Variants in CCDC148 observed in about 807,000 individuals in gnomAD.
The protein encoded by CCDC148 is coiled-coil domain-containing protein 148.
CCDC148 carries 89 observed loss-of-function variants against 85.7 expected under a neutral mutation model. That is an observed-to-expected ratio of 1.04 (90% CI 0.87 to 1.24). The LOEUF is 1.24. CCDC148 is among the 50% of genes most tolerant of loss of function. The pLI is 0.00. For synonymous variants in CCDC148, 230 were observed against 213.9 expected (o/e 1.08, Z -0.66); for missense variants, 692 against 671.7 (o/e 1.03, Z -0.33).
intron 1 of CCDC148, among the ~76,000 whole-genome samples, chr2:158,442,434 C>T (rs916400996): frequency 6.6e-6 from 1 of 152,116 alleles, no homozygotes; most frequent in African/African-American, 2.4e-5. Context: ...AGTTCAGAAG[C>T]ATGGTAGAAA....
At chr2:158,181,184 AGGTTG>A (rs1309446628) in intron 11 of CCDC148, among the ~76,000 whole-genome samples, 8 of 152,170 alleles carry the variant, frequency 5.3e-5, no homozygotes, top group Admixed American at 5.2e-4. Flanking sequence ...TGGGATATAT[AGGTTG>A]CTTTGTCTGC....
At chr2:158,350,994 A>G (rs1372312770) in intron 2 of CCDC148, among the ~76,000 whole-genome samples, 1 of 152,016 alleles carries the variant, frequency 6.6e-6, no homozygotes, top group Non-Finnish European at 1.5e-5. Context: ...GATTCCTCCT[A>G]TCTCATTGTA....
chr2:158,179,031 A>G, intron 11 of CCDC148, 35 bp from the exon 12 acceptor site: 1 of 1,488,126 alleles, frequency 6.7e-7, no homozygotes, highest in Non-Finnish European at 9.4e-7. Context: ...TTGTGGAAGC[A>G]TCATAATAAT....
chr2:158,193,192 G>C (rs549513527), intron 11 of CCDC148, among the ~76,000 whole-genome samples: 1 of 152,084 alleles, frequency 6.6e-6, no homozygotes, highest in Admixed American at 6.6e-5. Context: ...GAAAATAATT[G>C]TATCAGTTTA....
At chr2:158,350,719 T>A (rs544888619) in intron 2 of CCDC148, among the ~76,000 whole-genome samples, 6 of 152,336 alleles carry the variant, frequency 3.9e-5, no homozygotes, top group Admixed American at 1.3e-4. Context: ...TTGTCACTCC[T>A]GTTTTTACCT....
chr2:158,436,962 C>T (rs1463236836), intron 1 of CCDC148, among the ~76,000 whole-genome samples: 1 of 152,136 alleles, frequency 6.6e-6, no homozygotes, highest in African/African-American at 2.4e-5. Context: ...AAATAACAGG[C>T]TCTGAAATTG....
intron 1 of CCDC148, among the ~76,000 whole-genome samples, chr2:158,358,872 G>T (rs527303776): frequency 3.8e-4 from 58 of 152,120 alleles, no homozygotes; most frequent in African/African-American, 1.3e-3. Context: ...AAGCTACAAA[G>T]TATGACGACT....
chr2:158,211,254 T>C (rs1284017560), intron 11 of CCDC148, among the ~76,000 whole-genome samples: 2 of 152,174 alleles, frequency 1.3e-5, no homozygotes, highest in Non-Finnish European at 2.9e-5. Context: ...GCACTAGTTA[T>C]GTACCAAAAT....
intron 2 of CCDC148, among the ~76,000 whole-genome samples, chr2:158,349,142 G>T (rs1380062063): frequency 6.6e-6 from 1 of 151,950 alleles, no homozygotes; most frequent in African/African-American, 2.4e-5. Flanking sequence ...AATATCAGTA[G>T]TACAAATCAG....
intron 9 of CCDC148, among the ~76,000 whole-genome samples, chr2:158,268,965 C>T (rs2105160473): frequency 6.6e-6 from 1 of 152,276 alleles, no homozygotes; most frequent in East Asian, 1.9e-4. Context: ...TTGATCCTTT[C>T]ATCCCTTGAT....
chr2:158,312,263 A>G (rs1360223367), intron 8 of CCDC148, among the ~76,000 whole-genome samples: 2 of 152,196 alleles, frequency 1.3e-5, no homozygotes, highest in African/African-American at 4.8e-5. Flanking sequence ...CCAAAAATAT[A>G]CTTAACATCT....
chr2:158,243,203 G>A (rs7584719), intron 10 of CCDC148, among the ~76,000 whole-genome samples: 7,315 of 152,002 alleles, frequency 0.048, 605 homozygotes, highest in African/African-American at 0.17. Flanking sequence ...AAAATGCAAG[G>A]GGCCACAGGG....
At chr2:158,183,560 AAAAC>A (rs898465435) in intron 11 of CCDC148, among the ~76,000 whole-genome samples, 22 of 152,298 alleles carry the variant, frequency 1.4e-4, no homozygotes, top group African/African-American at 4.6e-4. Context: ...TCTACAATTT[AAAAC>A]AAACAAAGAA....
chr2:158,252,719 T>C lies in CCDC148; in HGVS notation c.1111-1807A>G, dbSNP rs368628998. Among the ~76,000 whole-genome samples the C allele has an allele frequency of 1.1e-3, 173 of 151,810 alleles. 2 individuals are homozygous for C. The highest frequency in any genetic ancestry group is 4.0e-3 in the African/African-American group (168 of 41,518). ...ATAATCCAAACCCTACATTATCCTC[T>C]CATTAACCTCCAACCTCTCTATCTA... is the stretch of plus-strand genomic sequence containing the variant. On this transcript the variant is annotated intron_variant, in intron 9 of 13. Coordinates refer to ENST00000283233, the MANE Select transcript of CCDC148 (RefSeq NM_138803.4).
intron 1 of CCDC148, among the ~76,000 whole-genome samples, chr2:158,420,286 C>T (rs1230480800): frequency 1.3e-5 from 2 of 152,080 alleles, no homozygotes; most frequent in African/African-American, 4.8e-5. Context: ...AACTCCAAGA[C>T]ACATAATTAT....
At chr2:158,177,274 T>C (rs1684637159) in intron 12 of CCDC148, among the ~76,000 whole-genome samples, 1 of 152,080 alleles carries the variant, frequency 6.6e-6, no homozygotes, top group Admixed American at 6.6e-5. Flanking sequence ...TTGTCTTTTA[T>C]AATTCAAACC....
rs187763791 is a variant in CCDC148, at chr2:158,302,714, T to A, written c.1110+6719A>T. ...CAGGAGAATCACTTGAACCCAGGAGTTGGAGGTTGCAGTGAGCCGAGATCG... is the reference window on the plus strand; with the variant it reads ...CAGGAGAATCACTTGAACCCAGGAGATGGAGGTTGCAGTGAGCCGAGATCG... On this transcript the variant is annotated intron_variant, in intron 9 of 13. Transcript: ENST00000283233. Among the ~76,000 whole-genome samples, 349 of 151,016 alleles carry A rather than the reference T, an allele frequency of 2.3e-3. 2 individuals are homozygous for A. The highest frequency in any genetic ancestry group is 8.0e-3 in the African/African-American group (330 of 41,094).
intron 1 of CCDC148, among the ~76,000 whole-genome samples, chr2:158,422,346 C>G (rs2105324435): frequency 6.6e-6 from 1 of 152,264 alleles, no homozygotes; most frequent in South Asian, 2.1e-4. Context: ...CAATAAAGTA[C>G]TGGCAAACCG....
intron 9 of CCDC148, among the ~76,000 whole-genome samples, chr2:158,256,491 T>C (rs1223672873): frequency 1.3e-5 from 2 of 151,810 alleles, no homozygotes; most frequent in Non-Finnish European, 2.9e-5. Flanking sequence ...TAAATAATAA[T>C]AATTAAACAT....
Sources: gnomAD v4.1 joint callset for allele counts (sites outside exome capture counted in the v4.1 genomes callset) on GRCh38, gnomAD v4.1.1 for gene constraint, MANE v1.5 for transcripts, NCBI Gene and HGNC (gene_info 2026-07-23, HGNC 2026-07-21) for gene names.